The following TMEM272 variants were observed in gnomAD, a reference collection of about 807,000 sequenced individuals.
The protein encoded by TMEM272 is transmembrane protein 272.
A neutral mutation model predicts 3.7 loss-of-function variants in TMEM272; 8 were observed. The ratio of observed to expected loss-of-function variants is 2.17; its 90% CI spans 1.27 to 3.91. TMEM272 has a LOEUF of 3.91. Ranked by LOEUF, TMEM272 falls within the 30% of genes most tolerant of loss-of-function variation. The pLI is 0.00. For synonymous variants in TMEM272, 63 were observed against 39.8 expected, an observed-to-expected ratio of 1.58 and a Z score of -2.20; for missense variants, 166 against 91.5, an observed-to-expected ratio of 1.81 and a Z score of -3.32.
At chr13:51,834,626 G>A (rs568502328) in intron 2 of TMEM272, among the ~76,000 whole-genome samples, 2 of 152,232 alleles carry the variant, frequency 1.3e-5, no homozygotes, top group South Asian at 2.1e-4. Context: ...CTGAGGGGCT[G>A]CAAACACCAC....
At chr13:51,912,013 G>A in the TMEM272 span, among the ~76,000 whole-genome samples, 1 of 152,082 alleles carries the variant, frequency 6.6e-6, no homozygotes, top group South Asian at 2.1e-4. Flanking sequence ...CTCCCTCAAG[G>A]ATCTGTTTGA....
At chr13:51,829,809 A>G (rs915466197) in intron 2 of TMEM272, among the ~76,000 whole-genome samples, 1 of 152,108 alleles carries the variant, frequency 6.6e-6, no homozygotes, top group African/African-American at 2.4e-5. Flanking sequence ...GCCACCCCAA[A>G]CTCTGCAGCT....
chr13:51,929,760 G>C, the TMEM272 span, among the ~76,000 whole-genome samples: 2 of 152,348 alleles, frequency 1.3e-5, no homozygotes, highest in Middle Eastern at 3.4e-3. Flanking sequence ...ACAACCTAAG[G>C]CTTCATCCCG....
At chr13:51,930,764 C>T in the TMEM272 span, among the ~76,000 whole-genome samples, 1 of 148,892 alleles carries the variant, frequency 6.7e-6, no homozygotes, top group East Asian at 2.0e-4. Flanking sequence ...AAAAAAAAAA[C>T]CCCTGCAATT....
the TMEM272 span, among the ~76,000 whole-genome samples, chr13:51,875,537 T>C: frequency 6.6e-6 from 1 of 152,152 alleles, no homozygotes; most frequent in Non-Finnish European, 1.5e-5. Flanking sequence ...ACATGACACA[T>C]GACCAAGAAG....
the TMEM272 span, among the ~76,000 whole-genome samples, chr13:51,920,628 C>T: frequency 5.3e-5 from 8 of 152,336 alleles, no homozygotes; most frequent in South Asian, 2.1e-4. Context: ...GGCTTTCTCA[C>T]TCACAGGGCA....
the TMEM272 span, among the ~76,000 whole-genome samples, chr13:51,880,225 G>C: frequency 2.7e-5 from 4 of 149,176 alleles, no homozygotes; most frequent in Non-Finnish European, 5.9e-5. Flanking sequence ...GGTGGCTGCA[G>C]TAATTTTGAA....
chr13:51,843,971 T>C (rs1241531261), intron 1 of TMEM272, among the ~76,000 whole-genome samples: 1 of 152,216 alleles, frequency 6.6e-6, no homozygotes, highest in Non-Finnish European at 1.5e-5. Context: ...TGTGGAGACA[T>C]TTTTAATAGT....
At chr13:51,887,967 CAT>C in the TMEM272 span, among the ~76,000 whole-genome samples, 1 of 152,126 alleles carries the variant, frequency 6.6e-6, no homozygotes, top group Non-Finnish European at 1.5e-5. Flanking sequence ...CATCTTTAAA[CAT>C]ATACACACCT....
At chr13:51,846,192 CAG>C (rs1302603716), upstream of TMEM272, among the ~76,000 whole-genome samples, 1 of 152,184 alleles carries the variant, frequency 6.6e-6, no homozygotes, top group Non-Finnish European at 1.5e-5. Flanking sequence ...CACCACAGGA[CAG>C]GGTGAAGCAG....
intron 4 of TMEM272, among the ~76,000 whole-genome samples, chr13:51,819,821 G>C (rs1173401498): frequency 6.6e-6 from 1 of 152,186 alleles, no homozygotes; most frequent in Admixed American, 6.5e-5. Flanking sequence ...AAGATGAGGG[G>C]GAGTGCAGGG....
chr13:51,840,716 A>G (rs1956255469), intron 1 of TMEM272, among the ~76,000 whole-genome samples: 1 of 152,236 alleles, frequency 6.6e-6, no homozygotes, highest in Non-Finnish European at 1.5e-5. Context: ...GTAGGTCTTC[A>G]GTAATGTTTA....
chr13:51,889,635 T>G, the TMEM272 span, among the ~76,000 whole-genome samples: 71,772 of 142,166 alleles, frequency 0.5, 17,683 homozygotes, highest in Non-Finnish European at 0.58. Flanking sequence ...TGTGTGTGTG[T>G]GGGGGGGTTT....
chr13:51,826,965 C>T (rs1956131483), intron 2 of TMEM272, among the ~76,000 whole-genome samples: 1 of 152,216 alleles, frequency 6.6e-6, no homozygotes, highest in South Asian at 2.1e-4. Context: ...CCGGCATCCA[C>T]TGAGCCAGGC....
the TMEM272 span, among the ~76,000 whole-genome samples, chr13:51,908,034 G>A: frequency 9.2e-5 from 14 of 151,984 alleles, no homozygotes; most frequent in African/African-American, 3.4e-4. Flanking sequence ...AAAATAAAAT[G>A]GAAATAATTT....
the TMEM272 span, among the ~76,000 whole-genome samples, chr13:51,926,105 GGTGT>G: frequency 2.0e-5 from 3 of 151,058 alleles, no homozygotes; most frequent in East Asian, 1.9e-4. Flanking sequence ...TGGTGTGTGT[GGTGT>G]GTGTGTGTGG....
intron 4 of TMEM272, among the ~76,000 whole-genome samples, chr13:51,821,010 C>T (rs1024204399): frequency 6.6e-6 from 1 of 152,212 alleles, no homozygotes; most frequent in East Asian, 1.9e-4. Flanking sequence ...CTTGTGGCTA[C>T]CAATTGCATA....
At chr13:51,910,281 T>A in the TMEM272 span, 1 of 1,427,130 alleles carries the variant, frequency 7.0e-7, no homozygotes, top group Non-Finnish European at 9.9e-7. Flanking sequence ...AAAGCTGGCA[T>A]CCTCTAAAGA....
the TMEM272 span, among the ~76,000 whole-genome samples, chr13:51,873,409 C>T: frequency 6.6e-6 from 1 of 152,324 alleles, no homozygotes; most frequent in African/African-American, 2.4e-5. Flanking sequence ...GATGGGAAAT[C>T]TGCTCATTTT....
Sources: gnomAD v4.1 joint callset for allele counts (sites outside exome capture counted in the v4.1 genomes callset) on GRCh38, gnomAD v4.1.1 for gene constraint, MANE v1.5 for transcripts, NCBI Gene and HGNC (gene_info 2026-07-23, HGNC 2026-07-21) for gene names.